Variants in DAB1 observed in about 807,000 individuals in gnomAD.
DAB1 encodes disabled homolog 1.
In DAB1, 15 loss-of-function variants were observed where a neutral mutation model predicts 64.6. The observed-to-expected ratio is 0.23, with a 90% CI of 0.16 to 0.36. DAB1 has a LOEUF of 0.36. Ranked by LOEUF, DAB1 falls within the 10% of genes least tolerant of loss-of-function variation. The pLI, the probability that DAB1 is intolerant of heterozygous loss-of-function variation, is 1.00. For synonymous variants in DAB1, 235 were observed against 251.9 expected (o/e 0.93, Z 0.64); for missense variants, 596 against 706.7 (o/e 0.84, Z 1.78).
intron 1 of DAB1, among the ~76,000 whole-genome samples, chr1:57,871,089 C>T (rs1056787004): frequency 2.0e-5 from 3 of 152,126 alleles, no homozygotes; most frequent in Non-Finnish European, 4.4e-5. Flanking sequence ...ATACCAGGAT[C>T]CCTGCCTCTT....
At chr1:57,017,313 G>T (rs1204411875) in intron 11 of DAB1, among the ~76,000 whole-genome samples, 3 of 152,148 alleles carry the variant, frequency 2.0e-5, no homozygotes, top group African/African-American at 7.2e-5. Context: ...ATGTACCGAG[G>T]CAGTGTACCA....
chr1:57,226,672 A>AAAAAAAAATATATATATAT (rs747021990), intron 2 of DAB1, among the ~76,000 whole-genome samples: 4 of 136,016 alleles, frequency 2.9e-5, no homozygotes, highest in African/African-American at 1.2e-4. Flanking sequence ...TTAAAAAAAA[A>AAAAAAAAATATATATATAT]ATATATATAT....
chr1:58,123,361 T>TA (rs1652864536), intron 5 of DAB1, among the ~76,000 whole-genome samples: 1 of 152,120 alleles, frequency 6.6e-6, no homozygotes, highest in Non-Finnish European at 1.5e-5. Flanking sequence ...AAGTCCTTAC[T>TA]CCATCTGAAA....
Position 57,608,829 on chromosome 1 carries a change from T to A in DAB1, n.625+40763A>T, listed in dbSNP as rs919128403. 2.6e-5 allele frequency among the ~76,000 whole-genome samples: 4 copies of A among 152,134 alleles called. No homozygotes were observed. The East Asian group carries it at 7.7e-4, about 29-fold the overall frequency. On this transcript the variant is annotated intron_variant and non_coding_transcript_variant, in intron 7 of 20. Coordinates refer to the DAB1 transcript ENST00000485760. ...TTAACCCCTACATTCTAGTGGCTGG[T>A]GGTTAAGCTCTTCTATTAACTTGAA... is the stretch of plus-strand genomic sequence containing the variant.
chr1:57,781,713 G>GA lies in DAB1; in HGVS notation n.551+102285dup, dbSNP rs3081035. ...CTTTGCATCTGGTTAAAGCAATTGA[G>GA]AAAAAAAAAAAAAAAAAGCAAAACT... is the stretch of plus-strand genomic sequence containing the variant. On this transcript the variant is annotated intron_variant and non_coding_transcript_variant, in intron 6 of 20. Coordinates refer to the DAB1 transcript ENST00000485760. 2.1e-3 allele frequency among the ~76,000 whole-genome samples: 280 copies of GA among 135,642 alleles called. 2 individuals are homozygous for GA. Among genetic ancestry groups the GA allele is most frequent in the East Asian group, 9.7e-3 (43 of 4,452 alleles). 89.0% of individuals were successfully genotyped at this position (135,642 alleles called of 152,430 possible).
intron 7 of DAB1, among the ~76,000 whole-genome samples, chr1:57,564,008 C>T (rs1039530308): frequency 6.6e-6 from 1 of 152,142 alleles, no homozygotes; most frequent in Non-Finnish European, 1.5e-5. Context: ...GGTCCCTGAC[C>T]CCTGAGTAGC....
At chr1:57,267,265 C>T (rs927474857) in intron 2 of DAB1, among the ~76,000 whole-genome samples, 11 of 151,856 alleles carry the variant, frequency 7.2e-5, no homozygotes, top group African/African-American at 2.4e-4. Flanking sequence ...AGAGCTTCCA[C>T]AGGGAGTGAG....
intron 5 of DAB1, among the ~76,000 whole-genome samples, chr1:57,929,784 T>C (rs1003318391): frequency 6.6e-5 from 10 of 152,096 alleles, no homozygotes; most frequent in Admixed American, 5.9e-4. Context: ...ACCCTGACAT[T>C]ATAACAACCC....
At chr1:58,538,628 G>A (rs1015689827) in intron 1 of DAB1, among the ~76,000 whole-genome samples, 1 of 152,132 alleles carries the variant, frequency 6.6e-6, no homozygotes, top group Non-Finnish European at 1.5e-5. Context: ...CTACTGTTTA[G>A]AAACTTCACT....
intron 5 of DAB1, among the ~76,000 whole-genome samples, chr1:58,130,064 G>C (rs1334805269): frequency 8.5e-6 from 1 of 117,700 alleles, no homozygotes. Context: ...GGGTGTTAAA[G>C]TCTCCCATTA....
chr1:57,234,807 G>C (rs1361175573), intron 2 of DAB1, among the ~76,000 whole-genome samples: 1 of 152,184 alleles, frequency 6.6e-6, no homozygotes, highest in Non-Finnish European at 1.5e-5. Flanking sequence ...GTAGCTGTAG[G>C]ACTGAGCTAT....
chr1:58,096,881 C>T (rs890931723), intron 5 of DAB1, among the ~76,000 whole-genome samples: 1 of 152,230 alleles, frequency 6.6e-6, no homozygotes, highest in African/African-American at 2.4e-5. Flanking sequence ...GGCCAGCCTT[C>T]TCACTGCAGA....
chr1:58,176,982 A>G (rs187726114), intron 4 of DAB1, among the ~76,000 whole-genome samples: 1 of 151,488 alleles, frequency 6.6e-6, no homozygotes, highest in East Asian at 1.9e-4. Context: ...GTCTCAATAA[A>G]AAAAAAAAAA....
At chr1:57,539,657 AG>A (rs1644777342) in intron 7 of DAB1, among the ~76,000 whole-genome samples, 2 of 152,196 alleles carry the variant, frequency 1.3e-5, no homozygotes, top group Admixed American at 1.3e-4. Context: ...TTTCTGCCAA[AG>A]GGGGAAATCT....
At chr1:57,360,977 G>A (rs778382024) in intron 1 of DAB1, among the ~76,000 whole-genome samples, 38 of 152,026 alleles carry the variant, frequency 2.5e-4, no homozygotes, top group Non-Finnish European at 4.0e-4. Context: ...AGCCCCTCCC[G>A]CAGCCTTCCA....
intron 2 of DAB1, among the ~76,000 whole-genome samples, chr1:57,155,426 T>G: frequency 6.6e-6 from 1 of 152,172 alleles, no homozygotes; most frequent in East Asian, 1.9e-4. Flanking sequence ...TTGGTTACTA[T>G]AGCTCTGTAG....
At chr1:57,739,615 C>T (rs1340526779) in intron 6 of DAB1, among the ~76,000 whole-genome samples, 1 of 150,898 alleles carries the variant, frequency 6.6e-6, no homozygotes, top group Non-Finnish European at 1.5e-5. Flanking sequence ...CCATGCCCGG[C>T]TAATTTTCTG....
At chr1:57,186,296 C>T (rs897476452) in intron 2 of DAB1, among the ~76,000 whole-genome samples, 1 of 152,172 alleles carries the variant, frequency 6.6e-6, no homozygotes, top group African/African-American at 2.4e-5. Context: ...AACCAACTCA[C>T]AAAAACCCAC....
chr1:57,445,223 A>G (rs1232457001), intron 7 of DAB1, among the ~76,000 whole-genome samples: 1 of 152,162 alleles, frequency 6.6e-6, no homozygotes, highest in African/African-American at 2.4e-5. Flanking sequence ...TCTTACAAAA[A>G]TAAGCATTTA....
Sources: allele counts gnomAD v4.1 joint callset (sites outside exome capture counted in the v4.1 genomes callset), GRCh38; gene constraint gnomAD v4.1.1; transcripts MANE v1.5; gene names NCBI Gene and HGNC (gene_info 2026-07-23, HGNC 2026-07-21).